The following SPTLC3 variants were observed in gnomAD, a reference collection of about 807,000 sequenced individuals.
The protein encoded by SPTLC3 is serine palmitoyltransferase 3.
SPTLC3 carries 36 observed loss-of-function variants against 59.3 expected under a neutral mutation model. That is an observed-to-expected ratio of 0.61 (90% CI 0.47 to 0.80). The LOEUF (loss-of-function observed/expected upper bound fraction) is 0.80, where lower values mean the gene tolerates loss of function less well. Ranked by LOEUF, SPTLC3 falls within the 30% of genes least tolerant of loss-of-function variation. The probability of loss-of-function intolerance (pLI) is 0.00; values close to 1 mark genes in which losing one functional copy is unlikely to be tolerated. For synonymous variants in SPTLC3, 257 were observed against 240.8 expected (o/e 1.07, Z -0.62); for missense variants, 625 against 685.1 (o/e 0.91, Z 0.98).
At chr20:13,104,510 A>T (rs1989764224) in intron 6 of SPTLC3, among the ~76,000 whole-genome samples, 1 of 152,190 alleles carries the variant, frequency 6.6e-6, no homozygotes, top group Admixed American at 6.5e-5. Context: ...CTGTAAGTCC[A>T]TTAAACCTCA....
intron 6 of SPTLC3, among the ~76,000 whole-genome samples, chr20:13,098,727 G>A (rs1476983458): frequency 6.6e-6 from 1 of 152,136 alleles, no homozygotes; most frequent in Non-Finnish European, 1.5e-5. Context: ...CAGATGCTGA[G>A]GTAATGGCCT....
intron 7 of SPTLC3, among the ~76,000 whole-genome samples, chr20:13,111,879 G>A (rs1014607620): frequency 1.1e-4 from 17 of 152,188 alleles, no homozygotes; most frequent in Admixed American, 9.8e-4. Flanking sequence ...CATTTTACTG[G>A]CAAATATTCC....
chr20:13,016,138 G>A (rs187446916), intron 1 of SPTLC3, among the ~76,000 whole-genome samples: 1 of 150,504 alleles, frequency 6.6e-6, no homozygotes, highest in Admixed American at 6.6e-5. Flanking sequence ...TATGATGAGG[G>A]AAATACAATT....
At chr20:13,011,700 T>C (rs1182081301) in intron 1 of SPTLC3, among the ~76,000 whole-genome samples, 1 of 143,014 alleles carries the variant, frequency 7.0e-6, no homozygotes, top group Non-Finnish European at 1.6e-5. Flanking sequence ...TAGAGTTCCT[T>C]TCTGGAGCTT....
At chr20:13,054,555 A>G (rs1176099284) in intron 2 of SPTLC3, among the ~76,000 whole-genome samples, 1 of 152,166 alleles carries the variant, frequency 6.6e-6, no homozygotes, top group African/African-American at 2.4e-5. Flanking sequence ...AGAGTTAGAG[A>G]TGGTTGATTT....
chr20:13,066,534 C>T (rs1159358291), intron 2 of SPTLC3, among the ~76,000 whole-genome samples: 1 of 152,088 alleles, frequency 6.6e-6, no homozygotes, highest in Non-Finnish European at 1.5e-5. Flanking sequence ...TGGGTGTTAA[C>T]CTTATGACTC....
At chr20:13,109,756 G>C (rs943486679) in intron 6 of SPTLC3, among the ~76,000 whole-genome samples, 1 of 152,168 alleles carries the variant, frequency 6.6e-6, no homozygotes, top group African/African-American at 2.4e-5. Context: ...TATTAATTAT[G>C]TCTCTCAGAG....
chr20:13,098,142 T>C (rs1989486532), intron 6 of SPTLC3, among the ~76,000 whole-genome samples: 2 of 152,188 alleles, frequency 1.3e-5, no homozygotes, highest in Non-Finnish European at 2.9e-5. Flanking sequence ...AAAGTAAAAC[T>C]ATCTGGCTTT....
At chr20:13,039,106 G>C (rs6041793) in intron 1 of SPTLC3, among the ~76,000 whole-genome samples, 15,491 of 151,990 alleles carry the variant, frequency 0.1, 931 homozygotes, top group African/African-American at 0.17. Context: ...CTGTTTTGGG[G>C]AGACGTGTTC....
In SPTLC3 at chr20:13,045,766, A is replaced by G. The variant is rs529280426; in HGVS notation, c.118-3179A>G. On this transcript the variant is annotated intron_variant, in intron 1 of 11. Transcript: ENST00000399002. ...AAGTCACAGGGGCAAGTAAATAGTT[A>G]CATATAGGCCCAGTCTGTGCAACCA... Among the ~76,000 whole-genome samples, 5 of 152,290 alleles carry G rather than the reference A, an allele frequency of 3.3e-5. No homozygotes were observed. In the South Asian group the frequency reaches 1.0e-3, roughly 32 times the overall value.
At chr20:13,046,803 T>A (rs1987253655) in intron 1 of SPTLC3, among the ~76,000 whole-genome samples, 1 of 152,160 alleles carries the variant, frequency 6.6e-6, no homozygotes, top group Admixed American at 6.5e-5. Context: ...CATCTTTGAA[T>A]CCCCAGTGCT....
chr20:13,038,997 C>T (rs1013451998), intron 1 of SPTLC3, among the ~76,000 whole-genome samples: 3 of 152,026 alleles, frequency 2.0e-5, no homozygotes, highest in Non-Finnish European at 4.4e-5. Context: ...TTGGAAAGAA[C>T]ATACTTTGCA....
intron 4 of SPTLC3, among the ~76,000 whole-genome samples, chr20:13,081,683 A>G (rs1490110445): frequency 2.0e-5 from 3 of 152,186 alleles, no homozygotes; most frequent in African/African-American, 7.2e-5. Flanking sequence ...CACATTTTCA[A>G]GCAGTGGATT....
Position 13,164,824 on chromosome 20 carries a change from G to A in SPTLC3, c.1616G>A (p.Arg539His), listed in dbSNP as rs200308499. Reference sequence around the variant, plus strand: ...TATTCCCGGCACAAGAAGTCAGCACGTCCTGAGCTCTATGATGAGACGAGC... The same window carrying A: ...TATTCCCGGCACAAGAAGTCAGCACATCCTGAGCTCTATGATGAGACGAGC... ...LKYSRHKKSA[R>H]PELYDETSFE... Residue 539 changes from arginine to histidine, a missense_variant, in exon 12 of 12, where the codon CGT (arginine) becomes CAT (histidine). By Grantham distance (29) the Arg-to-His change is conservative. Coordinates refer to ENST00000399002, the MANE Select transcript of SPTLC3 (RefSeq NM_018327.4). 153 of 1,613,598 alleles carry A rather than the reference G, an allele frequency of 9.5e-5. No homozygotes were observed. Among genetic ancestry groups the A allele is most frequent in the Non-Finnish European group, 1.2e-4 (145 of 1,179,818 alleles).
intron 1 of SPTLC3, among the ~76,000 whole-genome samples, chr20:13,027,995 G>A (rs968267464): frequency 2.6e-5 from 4 of 152,012 alleles, no homozygotes; most frequent in African/African-American, 7.3e-5. Flanking sequence ...TTGACATTAC[G>A]AATGGTTAAT....
chr20:13,058,368 A>G (rs1276073352), intron 2 of SPTLC3, among the ~76,000 whole-genome samples: 1 of 151,576 alleles, frequency 6.6e-6, no homozygotes, highest in Non-Finnish European at 1.5e-5. Flanking sequence ...GGACCTGCAT[A>G]GATCCGAACC....
intron 11 of SPTLC3, among the ~76,000 whole-genome samples, chr20:13,161,772 AT>A (rs1395969848): frequency 6.6e-6 from 1 of 152,256 alleles, no homozygotes; most frequent in East Asian, 1.9e-4. Flanking sequence ...TAATAAAAAA[AT>A]AAAAGAGTAA....
chr20:13,080,396 T>C (rs912502099), intron 4 of SPTLC3, among the ~76,000 whole-genome samples: 1 of 151,238 alleles, frequency 6.6e-6, no homozygotes, highest in African/African-American at 2.4e-5. Flanking sequence ...TACTCCCTGC[T>C]ACTTGGGAGG....
intron 6 of SPTLC3, among the ~76,000 whole-genome samples, chr20:13,108,069 G>A (rs1484602878): frequency 6.6e-6 from 1 of 152,016 alleles, no homozygotes; most frequent in Non-Finnish European, 1.5e-5. Flanking sequence ...CTGAATTTCA[G>A]GACCCGATAC....
Sources: gnomAD v4.1 joint callset for allele counts (sites outside exome capture counted in the v4.1 genomes callset) on GRCh38, gnomAD v4.1.1 for gene constraint, MANE v1.5 for transcripts, NCBI Gene and HGNC (gene_info 2026-07-23, HGNC 2026-07-21) for gene names.